CFAP61: variants seen among roughly 807,000 people sequenced by gnomAD.
CFAP61 encodes cilia- and flagella-associated protein 61.
CFAP61 carries 107 observed loss-of-function variants against 135.6 expected under a neutral mutation model. The ratio of observed to expected loss-of-function variants is 0.79; its 90% confidence interval spans 0.67 to 0.93. CFAP61 has a LOEUF of 0.93. CFAP61 is among the 40% of genes least tolerant of loss of function. The pLI is 0.00. For missense variants in CFAP61, 1,507 were observed against 1,556.2 expected (o/e 0.97, Z 0.53); for synonymous variants, 575 against 578.5 (o/e 0.99, Z 0.09).
At chr20:20,154,708 A>T (rs1569019561) in intron 9 of CFAP61, among the ~76,000 whole-genome samples, 1 of 152,258 alleles carries the variant, frequency 6.6e-6, no homozygotes, top group East Asian at 1.9e-4. Flanking sequence ...CTAGGAATAT[A>T]CTTAACCAAG....
intron 8 of CFAP61, among the ~76,000 whole-genome samples, chr20:20,106,358 T>A (rs1264040032): frequency 1.3e-5 from 2 of 152,188 alleles, no homozygotes; most frequent in Admixed American, 6.5e-5. Flanking sequence ...AAGCCTTTTC[T>A]AATGTCTTCA....
Position 20,199,947 on chromosome 20 carries a change from G to A in CFAP61, c.1932+45G>A, listed in dbSNP as rs117926543. On this transcript the variant is annotated intron_variant, in intron 17 of 26. Transcript: ENST00000245957. The stretch of plus-strand genomic sequence containing the variant: ...GCAGGGCGGCGCGGTGCCAGCTCCC[G>A]CGGGCCTGGCAGATGGGGTGGCAGT... 1.4e-3 allele frequency: 2,250 copies of A among 1,604,636 alleles called. 2 individuals carry two copies. The highest frequency in any genetic ancestry group is 1.7e-3 in the Non-Finnish European group (2,024 of 1,175,706).
chr20:20,178,888 T>G (rs1237809101), intron 13 of CFAP61, among the ~76,000 whole-genome samples: 1 of 152,214 alleles, frequency 6.6e-6, no homozygotes, highest in Non-Finnish European at 1.5e-5. Flanking sequence ...CTTTATTTAT[T>G]TTTGATTTAA....
At chr20:20,296,915 T>C (rs1389412758) in intron 24 of CFAP61, among the ~76,000 whole-genome samples, 1 of 152,212 alleles carries the variant, frequency 6.6e-6, no homozygotes, top group Admixed American at 6.5e-5. Flanking sequence ...GTTTGGATTT[T>C]TTAAGCACTT....
chr20:20,306,783 C>A (rs528694016), intron 25 of CFAP61, among the ~76,000 whole-genome samples: 19 of 152,282 alleles, frequency 1.2e-4, no homozygotes, highest in South Asian at 8.3e-4. Context: ...TACAAGAAAA[C>A]TAGTGCTTTC....
chr20:20,098,511 G>C (rs1371118231), intron 7 of CFAP61, 144 bp from the exon 8 acceptor site: 1 of 670,164 alleles, frequency 1.5e-6, no homozygotes, highest in Non-Finnish European at 2.4e-6. Flanking sequence ...GCGGGAGGCT[G>C]GGGAGAAGAA....
At chr20:20,156,139 A>G (rs1379136895) in intron 9 of CFAP61, among the ~76,000 whole-genome samples, 1 of 152,148 alleles carries the variant, frequency 6.6e-6, no homozygotes, top group African/African-American at 2.4e-5. Flanking sequence ...CCAAACACCA[A>G]CTGTTCTCCC....
chr20:20,078,496 A>G (rs563532513), intron 6 of CFAP61, among the ~76,000 whole-genome samples: 3 of 152,322 alleles, frequency 2.0e-5, no homozygotes, highest in African/African-American at 7.2e-5. Flanking sequence ...AGTAGAAATA[A>G]TAGATTTAAA....
At chr20:20,346,557 A>C (rs963418650) in intron 26 of CFAP61, among the ~76,000 whole-genome samples, 1 of 151,668 alleles carries the variant, frequency 6.6e-6, no homozygotes, top group Non-Finnish European at 1.5e-5. Context: ...TTTATTTTTA[A>C]AAAGCAAACT....
In CFAP61 at chr20:20,138,420, A is replaced by G. The variant is rs146634744; in HGVS notation, c.860-4437A>G. On this transcript the variant is annotated intron_variant, in intron 8 of 26. Transcript: ENST00000245957. The stretch of plus-strand genomic sequence containing the variant: ...CCAACCAGCAGGATGGGTGATTCCC[A>G]TCTGGCTAGGGCTGATGCAAATGCT... 2.9e-3 allele frequency among the ~76,000 whole-genome samples: 440 copies of G among 151,970 alleles called. 1 individual carries two copies. The highest frequency in any genetic ancestry group is 0.01 in the African/African-American group (413 of 41,254).
intron 13 of CFAP61, among the ~76,000 whole-genome samples, chr20:20,173,789 T>C (rs1337387367): frequency 1.3e-5 from 2 of 152,202 alleles, no homozygotes; most frequent in African/African-American, 4.8e-5. Context: ...GAGTTTTCAC[T>C]CTGAATAAAT....
chr20:20,101,652 GC>G (rs10708022), intron 8 of CFAP61, among the ~76,000 whole-genome samples: 120,410 of 151,780 alleles, frequency 0.79, 48,113 homozygotes, highest in East Asian at 0.99. Flanking sequence ...TGAGATGAAG[GC>G]CCCCCTCTGT....
chr20:20,309,115 G>A (rs1258588279), intron 25 of CFAP61, among the ~76,000 whole-genome samples: 2 of 152,144 alleles, frequency 1.3e-5, no homozygotes, highest in Non-Finnish European at 2.9e-5. Context: ...ACGCTTTGAA[G>A]CCACCTGGGC....
intron 17 of CFAP61, among the ~76,000 whole-genome samples, chr20:20,209,982 A>C (rs1336999742): frequency 6.6e-6 from 1 of 152,098 alleles, no homozygotes; most frequent in African/African-American, 2.4e-5. Context: ...CACAGCCTTG[A>C]GGCCAGTCTG....
rs148307781 is a variant in CFAP61, at chr20:20,052,551, C to A, written c.-77C>A. ...GTGACCAGGCTGCGCGTCCTCCTTGCGGCAGCGCGTGGAGTGCGGCGTCCT... is the reference window on the plus strand; with the variant it reads ...GTGACCAGGCTGCGCGTCCTCCTTGAGGCAGCGCGTGGAGTGCGGCGTCCT... On this transcript the variant is annotated 5_prime_UTR_variant, in exon 1 of 27. Transcript: ENST00000245957. 2 of 1,614,152 alleles carry A rather than the reference C, an allele frequency of 1.2e-6. No homozygotes were observed. The highest frequency in any genetic ancestry group is 1.1e-5 in the South Asian group (1 of 91,086).
At chr20:20,353,723 T>C (rs1048685973) in intron 26 of CFAP61, among the ~76,000 whole-genome samples, 4 of 152,150 alleles carry the variant, frequency 2.6e-5, no homozygotes, top group Admixed American at 2.0e-4. Context: ...GACCAAAAGA[T>C]ATATTTAAAA....
At chr20:20,169,532 G>C in intron 13 of CFAP61, 72 bp downstream of exon 13, 1 of 1,294,464 alleles carries the variant, frequency 7.7e-7, no homozygotes. Flanking sequence ...GGAACTCCCT[G>C]CTATTATAAT....
chr20:20,081,700 A>G (rs79454108), intron 6 of CFAP61, among the ~76,000 whole-genome samples: 26 of 152,136 alleles, frequency 1.7e-4, no homozygotes, highest in African/African-American at 6.3e-4. Flanking sequence ...CTTGAGTGCT[A>G]TGGACTATAA....
chr20:20,093,434 CTTTTT>C (rs11479548), intron 7 of CFAP61, among the ~76,000 whole-genome samples: 1 of 121,950 alleles, frequency 8.2e-6, no homozygotes. Context: ...TTGTGTATTT[CTTTTT>C]TTTTTTTTTT....
Sources: gnomAD v4.1 joint callset for allele counts (sites outside exome capture counted in the v4.1 genomes callset) on GRCh38, gnomAD v4.1.1 for gene constraint, MANE v1.5 for transcripts, NCBI Gene and HGNC (gene_info 2026-07-23, HGNC 2026-07-21) for gene names.